Variants in FKBP9 observed in about 807,000 individuals in gnomAD.
The protein encoded by FKBP9 is peptidyl-prolyl cis-trans isomerase FKBP9.
Under a neutral mutation model 55.6 loss-of-function variants are expected in FKBP9, and 27 were observed. The ratio of observed to expected loss-of-function variants is 0.49; its 90% CI spans 0.36 to 0.67. The LOEUF (loss-of-function observed/expected upper bound fraction) is 0.67. FKBP9 is among the 30% of genes least tolerant of loss of function. FKBP9 has a pLI of 0.00. For synonymous variants in FKBP9, 267 were observed against 296.5 expected, an observed-to-expected ratio of 0.90 and a Z score of 1.02; for missense variants, 539 against 742.8, an observed-to-expected ratio of 0.73 and a Z score of 3.19.
intron 5 of FKBP9, among the ~76,000 whole-genome samples, chr7:32,984,432 A>G (rs912441520): frequency 9.9e-5 from 15 of 151,932 alleles, no homozygotes; most frequent in South Asian, 2.1e-4. Flanking sequence ...ATTTTTTTGT[A>G]TTTTTAGTAG....
chr7:33,003,419 G>A (rs1438714199), intron 9 of FKBP9, among the ~76,000 whole-genome samples: 3 of 152,136 alleles, frequency 2.0e-5, no homozygotes, highest in Non-Finnish European at 4.4e-5. Context: ...ATACAAATGT[G>A]CTATTATTTT....
intron 1 of FKBP9, among the ~76,000 whole-genome samples, chr7:32,961,339 G>A (rs1784019413): frequency 6.6e-6 from 1 of 152,140 alleles, no homozygotes; most frequent in Non-Finnish European, 1.5e-5. Flanking sequence ...CTCTAGCACA[G>A]TAGTGTTTAA....
chr7:32,984,232 T>C (rs1044062418), intron 5 of FKBP9, among the ~76,000 whole-genome samples: 2 of 151,926 alleles, frequency 1.3e-5, no homozygotes, highest in African/African-American at 4.8e-5. Flanking sequence ...TTTTCAAAAG[T>C]AATATGTTCT....
intron 7 of FKBP9, among the ~76,000 whole-genome samples, chr7:32,996,980 G>T (rs563355783): frequency 6.6e-5 from 10 of 150,590 alleles, no homozygotes; most frequent in African/African-American, 2.4e-4. Context: ...ATTTTTAGTA[G>T]AGACGGGGTT....
chr7:32,969,204 C>T (rs1784208362), intron 1 of FKBP9, among the ~76,000 whole-genome samples: 1 of 152,006 alleles, frequency 6.6e-6, no homozygotes, highest in Non-Finnish European at 1.5e-5. Flanking sequence ...CCTTTTTACT[C>T]TGTTGATTGT....
rs762472832 is a variant in FKBP9 at position 32,980,377 on chromosome 7, C to T, written c.717C>T (p.Pro239=). 1.1e-5 allele frequency: 17 copies of T among 1,610,532 alleles called. No individual in the cohort carries two copies. The highest frequency in any genetic ancestry group is 2.2e-5 in the South Asian group (2 of 90,830). The change falls in exon 5 of 10, where the codon CCC becomes CCT. Residue 239 remains proline (P), a synonymous_variant. Coordinates refer to ENST00000242209, the MANE Select transcript of FKBP9 (RefSeq NM_007270.5). Reference sequence around the variant, plus strand: ...ATTCCATTCTAGGGAAAGACATTCCCGGTCAGGCATCTCTGGTGTTTGATG... The same window carrying T: ...ATTCCATTCTAGGGAAAGACATTCCTGGTCAGGCATCTCTGGTGTTTGATG... The part of the protein sequence containing the change: ...YGEDGDGKDI[P]GQASLVFDVA...
intron 5 of FKBP9, among the ~76,000 whole-genome samples, chr7:32,986,343 C>T (rs560545802): frequency 2.6e-5 from 4 of 152,336 alleles, no homozygotes; most frequent in African/African-American, 4.8e-5. Context: ...GTCCCTTTGT[C>T]GGGAGCCCAC....
intron 2 of FKBP9, 36 bp from the exon 3 acceptor site, chr7:32,975,146 C>T (rs1784333512): frequency 1.3e-6 from 2 of 1,567,980 alleles, no homozygotes; most frequent in Non-Finnish European, 1.8e-6. Context: ...TGAAAGGCAG[C>T]AACTGTGAAC....
intron 1 of FKBP9, among the ~76,000 whole-genome samples, chr7:32,969,323 T>C (rs1235284398): frequency 6.6e-6 from 1 of 152,072 alleles, no homozygotes; most frequent in African/African-American, 2.4e-5. Flanking sequence ...ATGATGCTTT[T>C]CCCTTGTGTT....
At chr7:33,003,245 A>C (rs1392684968) in intron 9 of FKBP9, among the ~76,000 whole-genome samples, 2 of 151,848 alleles carry the variant, frequency 1.3e-5, no homozygotes, top group Non-Finnish European at 2.9e-5. Flanking sequence ...TTGAGCCAGG[A>C]CCACACTCCT....
chr7:32,988,016 A>C (rs1408937675), intron 5 of FKBP9, among the ~76,000 whole-genome samples: 2 of 65,892 alleles, frequency 3.0e-5, no homozygotes, highest in Non-Finnish European at 1.0e-4. Flanking sequence ...CCATCTCTAC[A>C]AAAAAAAAAA....
At chr7:32,987,055 G>A (rs1033971396) in intron 5 of FKBP9, among the ~76,000 whole-genome samples, 5 of 152,128 alleles carry the variant, frequency 3.3e-5, no homozygotes, top group African/African-American at 4.8e-5. Flanking sequence ...GTGGACTTGG[G>A]GCTCCTGCCA....
rs1224260913 is a variant in FKBP9, at chr7:32,980,669, T to C, written c.893+116T>C. ...TGCTGATTTGTAGTTGGCATTTTCA[T>C]CTCTAATACAAGTTTCTGTTTTCTG... is the stretch of plus-strand genomic sequence containing the variant. On this transcript the variant is annotated intron_variant, in intron 5 of 9. Transcript: ENST00000242209. 18 of 1,446,878 alleles carry C rather than the reference T, an allele frequency of 1.2e-5. No individual in the cohort carries two copies. The Admixed American group carries it at 4.2e-4, about 34-fold the overall frequency. 89.6% of individuals were successfully genotyped at this position (1,446,878 alleles called of 1,614,324 possible).
chr7:32,974,989 A>G, intron 2 of FKBP9, 193 bp from the exon 3 acceptor site: 1 of 643,524 alleles, frequency 1.6e-6, no homozygotes, highest in Non-Finnish European at 2.7e-6. Flanking sequence ...AATGAGAAGA[A>G]GACTGTTTTT....
intron 1 of FKBP9, among the ~76,000 whole-genome samples, chr7:32,962,571 T>G (rs1167123865): frequency 2.0e-5 from 3 of 151,788 alleles, no homozygotes; most frequent in Non-Finnish European, 4.4e-5. Context: ...CTTCCTGGGT[T>G]CAAGCAATTC....
rs191450804 is a variant in FKBP9, at chr7:32,983,046, G to A, written c.893+2493G>A. Among the ~76,000 whole-genome samples the A allele has an allele frequency of 6.4e-4, 95 of 147,306 alleles. 1 individual carries two copies. Among genetic ancestry groups the A allele is most frequent in the African/African-American group, 1.5e-3 (61 of 40,694 alleles). ...TGTCTATGTGTGTGTGTTTTGAGACGGAGTTTCGCTCTTCTTGCCCAGGCT... is the reference window on the plus strand; with the variant it reads ...TGTCTATGTGTGTGTGTTTTGAGACAGAGTTTCGCTCTTCTTGCCCAGGCT... On this transcript the variant is annotated intron_variant, in intron 5 of 9. Coordinates refer to ENST00000242209, the MANE Select transcript of FKBP9 (RefSeq NM_007270.5).
chr7:32,977,285 TG>T (rs1392462293), intron 4 of FKBP9, among the ~76,000 whole-genome samples: 1 of 152,200 alleles, frequency 6.6e-6, no homozygotes, highest in Non-Finnish European at 1.5e-5. Flanking sequence ...GATACAATGA[TG>T]TGTTGATTCA....
intron 1 of FKBP9, 88 bp downstream of exon 1, chr7:32,957,882 A>G: frequency 7.0e-6 from 7 of 1,000,168 alleles, no homozygotes; most frequent in Non-Finnish European, 9.5e-6. Context: ...GACCTCCCCT[A>G]GCTCCGCCCC....
At chr7:32,990,984 A>G (rs1258047247) in intron 6 of FKBP9, among the ~76,000 whole-genome samples, 2 of 152,222 alleles carry the variant, frequency 1.3e-5, no homozygotes, top group Non-Finnish European at 2.9e-5. Context: ...TCACAGCTTA[A>G]GATCCATTCG....
Sources: allele counts gnomAD v4.1 joint callset (sites outside exome capture counted in the v4.1 genomes callset), GRCh38; gene constraint gnomAD v4.1.1; transcripts MANE v1.5; gene names NCBI Gene and HGNC (gene_info 2026-07-23, HGNC 2026-07-21).